Variants in TRIM2 observed in about 807,000 individuals in gnomAD.
TRIM2 encodes the protein tripartite motif-containing protein 2.
Under a neutral mutation model 75.2 loss-of-function variants are expected in TRIM2, and 20 were observed. The ratio of observed to expected loss-of-function variants is 0.27; its 90% CI spans 0.19 to 0.39. TRIM2 has a LOEUF of 0.39. Among genes scored for constraint, TRIM2 ranks in the 10% least tolerant of loss-of-function variants. The probability of loss-of-function intolerance (pLI) is 1.00; values close to 1 mark genes in which losing one functional copy is unlikely to be tolerated. For missense variants in TRIM2, 660 were observed against 990.8 expected, an observed-to-expected ratio of 0.67 and a Z score of 4.48; for synonymous variants, 373 against 388.3, an observed-to-expected ratio of 0.96 and a Z score of 0.46.
rs376254857 is a variant in TRIM2 at position 153,160,629 on chromosome 4, C to T, written c.-49+7359C>T. Among the ~76,000 whole-genome samples the T allele has an allele frequency of 2.0e-3, 309 of 152,190 alleles. 5 individuals carry two copies. The highest frequency in any genetic ancestry group is 6.9e-3 in the African/African-American group (286 of 41,528). ...TTTGTTTGGAGACAAGGTTCCCACCCTGTTGCCCAAGCTGGAGTACAGTAA... is the reference window on the plus strand; with the variant it reads ...TTTGTTTGGAGACAAGGTTCCCACCTTGTTGCCCAAGCTGGAGTACAGTAA... On this transcript the variant is annotated intron_variant, in intron 1 of 11. Transcript: ENST00000437508.
chr4:153,187,950 T>C (rs1411386191), intron 1 of TRIM2, among the ~76,000 whole-genome samples: 1 of 152,124 alleles, frequency 6.6e-6, no homozygotes, highest in African/African-American at 2.4e-5. Flanking sequence ...ACTATGACTA[T>C]TTTTTCCTAA....
At chr4:153,285,801 T>C (rs896215550) in intron 3 of TRIM2, among the ~76,000 whole-genome samples, 1 of 152,192 alleles carries the variant, frequency 6.6e-6, no homozygotes, top group African/African-American at 2.4e-5. Context: ...ATTTTCTGTA[T>C]ATAAGATCAT....
intron 2 of TRIM2, among the ~76,000 whole-genome samples, chr4:153,273,240 T>C (rs1757169594): frequency 6.8e-6 from 1 of 147,908 alleles, no homozygotes; most frequent in Non-Finnish European, 1.5e-5. Flanking sequence ...ACATTCATAC[T>C]GGCTACTCAG....
chr4:153,298,705 T>G (rs556750532), intron 6 of TRIM2, among the ~76,000 whole-genome samples: 12 of 152,206 alleles, frequency 7.9e-5, no homozygotes, highest in Non-Finnish European at 1.6e-4. Flanking sequence ...CAATCCACTC[T>G]TTCAGCAACT....
At chr4:153,184,343 A>G (rs1191506278) in intron 1 of TRIM2, among the ~76,000 whole-genome samples, 2 of 152,140 alleles carry the variant, frequency 1.3e-5, no homozygotes, top group African/African-American at 2.4e-5. Context: ...TGATGTGCAC[A>G]CGTGGAGAGA....
chr4:153,232,770 A>G (rs1743989648), intron 1 of TRIM2, among the ~76,000 whole-genome samples: 2 of 152,242 alleles, frequency 1.3e-5, no homozygotes, highest in African/African-American at 2.4e-5. Flanking sequence ...TTTACAGAAC[A>G]TTCCCATGTC....
At position 153,276,150 on chromosome 4, in the gene TRIM2, GATACTGC is replaced by G; in HGVS notation, c.453+21_453+27del. 1 of 1,603,368 alleles carries G rather than the reference GATACTGC, an allele frequency of 6.2e-7. No individual in the cohort carries two copies. Among genetic ancestry groups the G allele is most frequent in the Admixed American group, 1.7e-5 (1 of 60,004 alleles). The stretch of plus-strand genomic sequence containing the variant: ...GGGAATGTAAGTGGCTGGGATGGCA[GATACTGC>G]CCGGGAGCATGACTACTGTGGCCTT... On this transcript the variant is annotated intron_variant, in intron 3 of 11. Coordinates refer to ENST00000338700, the MANE Select transcript of TRIM2 (RefSeq NM_015271.5).
chr4:153,271,579 GT>G (rs1560924350), intron 2 of TRIM2, among the ~76,000 whole-genome samples: 1 of 152,158 alleles, frequency 6.6e-6, no homozygotes, highest in African/African-American at 2.4e-5. Flanking sequence ...GGGGTTTTGT[GT>G]GTGTGCGTGT....
At chr4:153,327,163 T>A (rs1770425954) in intron 10 of TRIM2, among the ~76,000 whole-genome samples, 1 of 152,140 alleles carries the variant, frequency 6.6e-6, no homozygotes, top group Non-Finnish European at 1.5e-5. Flanking sequence ...AAATATGGCA[T>A]CTTAGTAAAA....
chr4:153,315,671 G>A lies in TRIM2; in HGVS notation c.1614+83G>A, dbSNP rs4558854. Reference sequence around the variant, plus strand: ...ACATATATTCCTACTTTAGACTTCAGATACATGGTGTAAGGAAAAAAGCTT... The same window carrying A: ...ACATATATTCCTACTTTAGACTTCAAATACATGGTGTAAGGAAAAAAGCTT... On this transcript the variant is annotated intron_variant, in intron 7 of 11. Coordinates refer to ENST00000338700, the MANE Select transcript of TRIM2 (RefSeq NM_015271.5). The A allele has an allele frequency of 1.3e-5, 18 of 1,439,588 alleles. No individual in the cohort carries two copies. In the African/African-American group the frequency reaches 2.4e-4, roughly 19 times the overall value. The allele number at this position is 1,439,588 out of a possible 1,614,324, so 89.2% of individuals were successfully genotyped here.
chr4:153,336,391 C>T lies in TRIM2; in HGVS notation c.*1425C>T. The T allele has an allele frequency of 2.0e-6, 2 of 984,186 alleles. No individual in the cohort carries two copies. The highest frequency in any genetic ancestry group is 2.4e-6 in the Non-Finnish European group (2 of 829,304). The allele number at this position is 984,186 out of a possible 1,614,324, so 61.0% of individuals were successfully genotyped here. A position where few individuals can be genotyped will look rare whatever the true frequency, so the allele number is the denominator to read the frequency against. The stretch of plus-strand genomic sequence containing the variant: ...AAAACCACACACACACATAAAAAAC[C>T]CAACAGGTCAAAATAAAAGTTGAAC... On this transcript the variant is annotated 3_prime_UTR_variant, in exon 12 of 12. Coordinates refer to ENST00000338700, the MANE Select transcript of TRIM2 (RefSeq NM_015271.5).
At chr4:153,258,156 T>TC (rs1194156888) in intron 1 of TRIM2, among the ~76,000 whole-genome samples, 2 of 151,922 alleles carry the variant, frequency 1.3e-5, no homozygotes, top group Non-Finnish European at 2.9e-5. Flanking sequence ...CGTGCGACCC[T>TC]CCCCCCACTC....
intron 1 of TRIM2, among the ~76,000 whole-genome samples, chr4:153,244,437 T>TCTTCTTCTTCTTCCTC (rs1206105496): frequency 9.7e-6 from 1 of 102,594 alleles, no homozygotes; most frequent in Non-Finnish European, 1.8e-5. Context: ...TTCTTCTTCT[T>TCTTCTTCTTCTTCCTC]TTAATTAGAG....
rs1772591667 is a variant in TRIM2 at position 153,337,528 on chromosome 4, T to C, written c.*2562T>C. The stretch of plus-strand genomic sequence containing the variant: ...TATATTTTTTCCAAAAAATATGTGA[T>C]TATATATGTTAAAGTATAGATAACA... On this transcript the variant is annotated 3_prime_UTR_variant, in exon 12 of 12. Coordinates refer to ENST00000338700, the MANE Select transcript of TRIM2 (RefSeq NM_015271.5). 1.0e-6 allele frequency: 1 copy of C among 985,644 alleles called. No homozygotes were observed. Among genetic ancestry groups the C allele is most frequent in the Admixed American group, 6.1e-5 (1 of 16,270 alleles). The allele number at this position is 985,644 out of a possible 1,614,324, so 61.1% of individuals were successfully genotyped here.
intron 1 of TRIM2, among the ~76,000 whole-genome samples, chr4:153,261,173 G>A (rs1301602569): frequency 1.3e-5 from 2 of 152,212 alleles, no homozygotes; most frequent in African/African-American, 4.8e-5. Flanking sequence ...TGTAATCCCA[G>A]CATTTTAAGA....
intron 1 of TRIM2, among the ~76,000 whole-genome samples, chr4:153,172,311 C>T (rs1470215071): frequency 1.3e-5 from 2 of 152,168 alleles, no homozygotes; most frequent in Admixed American, 1.3e-4. Context: ...CCTCAGCCTC[C>T]CGAGTAGCTG....
chr4:153,324,197 G>A, intron 10 of TRIM2, 49 bp downstream of exon 10: 1 of 1,531,402 alleles, frequency 6.5e-7, no homozygotes, highest in Non-Finnish European at 8.9e-7. Flanking sequence ...CTTTTATGGA[G>A]AAATTGGTCT....
chr4:153,221,825 A>AGGAGAGAGGGAGCGAGGG (rs1250724315), intron 1 of TRIM2, among the ~76,000 whole-genome samples: 1 of 121,596 alleles, frequency 8.2e-6, no homozygotes, highest in African/African-American at 3.2e-5. Context: ...GGAGGGAGGA[A>AGGAGAGAGGGAGCGAGGG]ATGAAGGAAG....
chr4:153,170,852 G>A (rs1282876647), intron 1 of TRIM2, among the ~76,000 whole-genome samples: 1 of 152,188 alleles, frequency 6.6e-6, no homozygotes, highest in Non-Finnish European at 1.5e-5. Flanking sequence ...AGGGCTACTG[G>A]TGGGCTGCCC....
Sources: gnomAD v4.1 joint callset for allele counts (sites outside exome capture counted in the v4.1 genomes callset) on GRCh38, gnomAD v4.1.1 for gene constraint, MANE v1.5 for transcripts, NCBI Gene and HGNC (gene_info 2026-07-23, HGNC 2026-07-21) for gene names.